SH3GLB2: variants seen among roughly 807,000 people sequenced by gnomAD.
The protein encoded by SH3GLB2 is endophilin-B2.
In SH3GLB2, 24 loss-of-function variants were observed where a neutral mutation model predicts 48.0. That is an observed-to-expected ratio of 0.50 (90% CI 0.36 to 0.70). SH3GLB2 has a LOEUF of 0.70. Among genes scored for constraint, SH3GLB2 ranks in the 30% least tolerant of loss-of-function variants. SH3GLB2 has a pLI of 0.00. For missense variants in SH3GLB2, 425 were observed against 516.0 expected (o/e 0.82, Z 1.71); for synonymous variants, 227 against 207.6 (o/e 1.09, Z -0.80).
At chr9:129,023,130 G>A (rs1014798989) in intron 1 of SH3GLB2, among the ~76,000 whole-genome samples, 1 of 152,188 alleles carries the variant, frequency 6.6e-6, no homozygotes, top group South Asian at 2.1e-4. Context: ...GTAAGGCACC[G>A]GTGCTATGAG....
In SH3GLB2 at chr9:129,021,146, C is replaced by G. The variant is rs1457339708; in HGVS notation, c.279G>C (p.Leu93=). 1 of 1,612,440 alleles carries G rather than the reference C, an allele frequency of 6.2e-7. No homozygotes were observed. Residue 93 remains leucine (L), a synonymous_variant, in exon 3 of 11, where the codon CTG becomes CTC. Transcript: ENST00000372564. The part of the protein sequence containing the change: ...KVPSRVTNGE[L]LAQYMADAAS... ...CCGCGTCTGCCATGTACTGAGCCAGCAGCTCCCCGTTGGTGACCCTTGAGG... is the reference window on the plus strand; with the variant it reads ...CCGCGTCTGCCATGTACTGAGCCAGGAGCTCCCCGTTGGTGACCCTTGAGG...
intron 1 of SH3GLB2, among the ~76,000 whole-genome samples, chr9:129,026,525 T>C (rs531326144): frequency 6.6e-4 from 100 of 152,182 alleles, no homozygotes; most frequent in Admixed American, 1.6e-3. Flanking sequence ...AAGCCTCTAT[T>C]TATAAAGCTC....
intron 9 of SH3GLB2, 60 bp downstream of exon 9, chr9:129,009,711 C>T: frequency 6.6e-7 from 1 of 1,504,788 alleles, no homozygotes; most frequent in Non-Finnish European, 9.1e-7. Flanking sequence ...CTCATGCTGC[C>T]CACGGACAGG....
In SH3GLB2 at chr9:129,011,377, T is replaced by G. The variant is rs891334673; in HGVS notation, c.625-684A>C. The G allele has an allele frequency of 6.6e-6, 1 of 152,126 alleles. No homozygotes were observed. The highest frequency in any genetic ancestry group is 1.5e-5 in the Non-Finnish European group (1 of 68,112). 9.4% of individuals were successfully genotyped at this position (152,126 alleles called of 1,614,324 possible). A position where few individuals can be genotyped will look rare whatever the true frequency, so the allele number is the denominator to read the frequency against. ...CCCCATGCTGCTTAGGAAGTCCCCG[T>G]CCAGGAGCACTGGAAGTTGCTGTGA... On this transcript the variant is annotated intron_variant, in intron 6 of 10. Transcript: ENST00000372564. This position sits in a 1 kb window ranked among gnomAD's most constrained non-coding sequence, Gnocchi z 4.5.
chr9:129,014,736 G>A lies in SH3GLB2; in HGVS notation c.468+35C>T, dbSNP rs565841399. On this transcript the variant is annotated intron_variant, in intron 4 of 10. Coordinates refer to ENST00000372564, the MANE Select transcript of SH3GLB2 (RefSeq NM_020145.4). This position sits in a 1 kb window ranked among gnomAD's most constrained non-coding sequence, Gnocchi z 4.1. ...AGGCTCTGAGGAGGGAACTGCCATGGTTACCAGGAAGCGGAATAGTCCCAG... is the reference window on the plus strand; with the variant it reads ...AGGCTCTGAGGAGGGAACTGCCATGATTACCAGGAAGCGGAATAGTCCCAG... 33 of 1,600,746 alleles carry A rather than the reference G, an allele frequency of 2.1e-5. No homozygotes were observed. The East Asian group carries it at 5.8e-4, about 28-fold the overall frequency.
At chr9:129,027,237 A>G (rs149724417) in intron 1 of SH3GLB2, among the ~76,000 whole-genome samples, 6 of 152,324 alleles carry the variant, frequency 3.9e-5, no homozygotes, top group African/African-American at 1.2e-4. Flanking sequence ...TTTGACACCA[A>G]TAATGAGCTT....
At chr9:129,018,860 C>T (rs1843611187) in intron 3 of SH3GLB2, among the ~76,000 whole-genome samples, 1 of 150,636 alleles carries the variant, frequency 6.6e-6, no homozygotes, top group Non-Finnish European at 1.5e-5. Flanking sequence ...CCACTGCACT[C>T]CAGCCTGGGT....
intron 5 of SH3GLB2, chr9:129,012,849 T>TC (rs1252806828): frequency 5.0e-5 from 42 of 831,834 alleles, no homozygotes; most frequent in Non-Finnish European, 7.0e-5. Flanking sequence ...ACGCCTGGCA[T>TC]CCCCCCCTAA....
rs373069325 is a variant in SH3GLB2, at chr9:129,009,098, G to A, written c.1080+8C>T. ...CATTCCTGCCCCACCTTGCGGCACC[G>A]GGCCCACCTCATCAGCCAGCAGGGC... On this transcript the variant is annotated splice_region_variant and intron_variant, in intron 10 of 10. Transcript: ENST00000372564. 33 of 1,606,600 alleles carry A rather than the reference G, an allele frequency of 2.1e-5. No homozygotes were observed. In the East Asian group the frequency reaches 2.7e-4, roughly 13 times the overall value.
At chr9:129,019,578 C>A (rs1843651684) in intron 3 of SH3GLB2, among the ~76,000 whole-genome samples, 1 of 149,750 alleles carries the variant, frequency 6.7e-6, no homozygotes, top group South Asian at 2.1e-4. Context: ...TGGTGGTGGG[C>A]GTGTGCAATC....
chr9:129,013,445 C>G (rs564584368), intron 5 of SH3GLB2: 1 of 220,466 alleles, frequency 4.5e-6, no homozygotes, highest in Non-Finnish European at 9.2e-6. Flanking sequence ...CTGTCCTGTT[C>G]AGGTGCCTTA....
At chr9:129,015,913 T>C in intron 3 of SH3GLB2, 1 of 249,558 alleles carries the variant, frequency 4.0e-6, no homozygotes, top group South Asian at 3.8e-5. Context: ...ATTCATCACA[T>C]ACAAGAGAGC....
intron 7 of SH3GLB2, 23 bp from the exon 8 acceptor site, chr9:129,010,232 G>T (rs1843037167): frequency 1.2e-6 from 2 of 1,606,274 alleles, no homozygotes; most frequent in South Asian, 1.1e-5. Flanking sequence ...GGGCAGCCAT[G>T]AGCACCCACA....
intron 2 of SH3GLB2, among the ~76,000 whole-genome samples, chr9:129,021,949 A>T (rs1365368790): frequency 7.5e-6 from 1 of 132,876 alleles, no homozygotes; most frequent in African/African-American, 2.9e-5. Context: ...ACAGAGCAAG[A>T]CTCCACCTCA....
At chr9:129,022,728 G>A (rs556950907) in intron 1 of SH3GLB2, among the ~76,000 whole-genome samples, 9 of 152,326 alleles carry the variant, frequency 5.9e-5, no homozygotes, top group South Asian at 2.1e-4. Context: ...AGCTTAGTGC[G>A]GTGAGGAACC....
chr9:129,008,867 G>A, intron 10 of SH3GLB2, 76 bp from the exon 11 acceptor site: 2 of 1,418,322 alleles, frequency 1.4e-6, no homozygotes, highest in African/African-American at 1.4e-5. Context: ...TGGGGACAGA[G>A]CTGCCACCTC....
chr9:129,028,162 C>T lies in SH3GLB2; in HGVS notation c.-8G>A. On this transcript the variant is annotated 5_prime_UTR_variant, in exon 1 of 11. Transcript: ENST00000372564. ...CTTCATGTTGAAGTCCATGGCGTGC[C>T]CGCACGGCCGCCGCGCACGGCCCGA... is the stretch of plus-strand genomic sequence containing the variant. The T allele has an allele frequency of 2.1e-6, 3 of 1,445,518 alleles. No individual in the cohort carries two copies. Among genetic ancestry groups the T allele is most frequent in the South Asian group, 1.3e-5 (1 of 75,452 alleles). 89.5% of individuals were successfully genotyped at this position (1,445,518 alleles called of 1,614,324 possible). A position where few individuals can be genotyped will look rare whatever the true frequency, so the allele number is the denominator to read the frequency against.
Position 129,011,937 on chromosome 9 carries a change from G to A in SH3GLB2, c.624+299C>T. 1 of 344,054 alleles carries A rather than the reference G, an allele frequency of 2.9e-6. No individual in the cohort carries two copies. Among genetic ancestry groups the A allele is most frequent in the Non-Finnish European group, 5.2e-6 (1 of 191,430 alleles). 21.3% of individuals were successfully genotyped at this position (344,054 alleles called of 1,614,324 possible). A position where few individuals can be genotyped will look rare whatever the true frequency, so the allele number is the denominator to read the frequency against. Reference sequence around the variant, plus strand: ...CAGCAGGAGGTGGAGGGGCCCTGGGGATGGGACAGCTGCCGCCCTGAGTTC... The same window carrying A: ...CAGCAGGAGGTGGAGGGGCCCTGGGAATGGGACAGCTGCCGCCCTGAGTTC... On this transcript the variant is annotated intron_variant, in intron 6 of 10. Transcript: ENST00000372564. This position sits in a 1 kb window ranked among gnomAD's most constrained non-coding sequence, Gnocchi z 4.5.
In SH3GLB2 at chr9:129,024,556, CA is replaced by C. The variant is rs1433422858; in HGVS notation, c.64-2134del. The stretch of plus-strand genomic sequence containing the variant: ...TGGGCCACAGAGTGCGACTCAGTCT[CA>C]AAAAAAAAAAAAAAAATTAGCTGGG... On this transcript the variant is annotated intron_variant, in intron 1 of 10. Coordinates refer to ENST00000372564, the MANE Select transcript of SH3GLB2 (RefSeq NM_020145.4). 7.4e-3 allele frequency among the ~76,000 whole-genome samples: 751 copies of C among 101,342 alleles called. 1 individual carries two copies. The highest frequency in any genetic ancestry group is 0.014 in the Middle Eastern group (2 of 138). 66.5% of individuals were successfully genotyped at this position (101,342 alleles called of 152,430 possible).
Sources: allele counts gnomAD v4.1 joint callset (sites outside exome capture counted in the v4.1 genomes callset), GRCh38; gene constraint gnomAD v4.1.1; non-coding constraint Gnocchi (gnomAD v3.1); transcripts MANE v1.5; gene names NCBI Gene and HGNC (gene_info 2026-07-23, HGNC 2026-07-21).